CPM: variants seen among roughly 807,000 people sequenced by gnomAD.
The protein encoded by CPM is carboxypeptidase M.
CPM carries 35 observed loss-of-function variants against 46.4 expected under a neutral mutation model. The observed-to-expected ratio is 0.75, with a 90% CI of 0.58 to 1.00. The LOEUF (loss-of-function observed/expected upper bound fraction) is 1.00. Ranked by LOEUF, CPM falls within the 50% of genes least tolerant of loss-of-function variation. The pLI is 0.00. For missense variants in CPM, 422 were observed against 530.4 expected (o/e 0.80, Z 2.01); for synonymous variants, 195 against 195.3 (o/e 1.00, Z 0.01).
intron 1 of CPM, among the ~76,000 whole-genome samples, chr12:68,959,371 T>C (rs1889075402): frequency 6.6e-6 from 1 of 152,154 alleles, no homozygotes; most frequent in Non-Finnish European, 1.5e-5. Context: ...AACTTTTAGA[T>C]TAATTCCAGT....
chr12:68,873,685 A>G (rs1485721564), intron 3 of CPM, among the ~76,000 whole-genome samples: 9 of 149,016 alleles, frequency 6.0e-5, no homozygotes, highest in Admixed American at 2.0e-4. Context: ...AAAAAAAAAA[A>G]GAAAGAAAGA....
chr12:68,885,537 G>A (rs890522170), intron 3 of CPM, among the ~76,000 whole-genome samples: 11 of 152,128 alleles, frequency 7.2e-5, no homozygotes, highest in African/African-American at 2.2e-4. Flanking sequence ...TTGTTCTTCC[G>A]GCCCCAAACA....
chr12:68,898,270 C>T (rs752579895), intron 2 of CPM, among the ~76,000 whole-genome samples: 6 of 151,972 alleles, frequency 3.9e-5, no homozygotes, highest in Non-Finnish European at 4.4e-5. Flanking sequence ...TCTGCACAGC[C>T]CTATTGTCTA....
intron 2 of CPM, among the ~76,000 whole-genome samples, chr12:68,890,385 A>G (rs111598446): frequency 2.0e-5 from 3 of 152,078 alleles, no homozygotes; most frequent in Admixed American, 6.5e-5. Context: ...AAAAAAACCA[A>G]ACCCTATCAT....
intron 2 of CPM, among the ~76,000 whole-genome samples, chr12:68,905,098 G>A (rs1887284874): frequency 6.6e-6 from 1 of 151,846 alleles, no homozygotes; most frequent in South Asian, 2.1e-4. Context: ...TAGTAGAGAT[G>A]GGGGTTTCAC....
chr12:68,929,934 G>A (rs1277829649), intron 2 of CPM, among the ~76,000 whole-genome samples: 3 of 151,988 alleles, frequency 2.0e-5, no homozygotes, highest in African/African-American at 4.8e-5. Context: ...ATTTACATAG[G>A]CATAGCACAT....
At chr12:68,874,878 A>G (rs1167862765) in intron 3 of CPM, among the ~76,000 whole-genome samples, 2 of 152,170 alleles carry the variant, frequency 1.3e-5, no homozygotes, top group Non-Finnish European at 2.9e-5. Context: ...AGCTATCTGA[A>G]TCATACACTC....
chr12:68,950,712 C>T (rs150538220), intron 1 of CPM, among the ~76,000 whole-genome samples: 16 of 152,284 alleles, frequency 1.1e-4, no homozygotes, highest in African/African-American at 1.9e-4. Context: ...CTTCAGCTTC[C>T]GCGACCCCCA....
At chr12:68,883,881 G>A (rs994803051) in intron 3 of CPM, among the ~76,000 whole-genome samples, 3 of 151,008 alleles carry the variant, frequency 2.0e-5, no homozygotes, top group African/African-American at 7.3e-5. Context: ...GATCACCTGA[G>A]GTCAGGGGTT....
At chr12:68,903,066 T>C (rs1887179644) in intron 2 of CPM, among the ~76,000 whole-genome samples, 1 of 152,232 alleles carries the variant, frequency 6.6e-6, no homozygotes. Flanking sequence ...CTATAAGAGC[T>C]CTGAGACATT....
intron 2 of CPM, among the ~76,000 whole-genome samples, chr12:68,921,348 G>C (rs1337072987): frequency 2.0e-5 from 3 of 151,878 alleles, no homozygotes; most frequent in Admixed American, 1.3e-4. Context: ...CACCATGTTG[G>C]CCAGGCTGGT....
chr12:68,947,326 A>G (rs908012512), intron 1 of CPM, among the ~76,000 whole-genome samples: 1 of 152,170 alleles, frequency 6.6e-6, no homozygotes, highest in African/African-American at 2.4e-5. Flanking sequence ...GCCGGGTGCA[A>G]TGGCTCATGC....
At chr12:68,960,925 T>A (rs1188711574) in intron 1 of CPM, among the ~76,000 whole-genome samples, 1 of 152,206 alleles carries the variant, frequency 6.6e-6, no homozygotes, top group Non-Finnish European at 1.5e-5. Context: ...TGATTACCTA[T>A]AACAACTGAG....
At position 68,898,198 on chromosome 12, in the gene CPM, G is replaced by A. The variant is rs547331647; in HGVS notation, c.161-12309C>T. ...GAGTGCCTGCAGGTGTCACAGAGCT[G>A]TAATTTAAGAAGAGGTTAATTCAGA... On this transcript the variant is annotated intron_variant, in intron 2 of 8. Coordinates refer to ENST00000551568, the MANE Select transcript of CPM (RefSeq NM_198320.5). Among the ~76,000 whole-genome samples, 4 of 151,844 alleles carry A rather than the reference G, an allele frequency of 2.6e-5. No individual in the cohort carries two copies. In the South Asian group the frequency reaches 8.3e-4, roughly 32 times the overall value.
intron 1 of CPM, among the ~76,000 whole-genome samples, chr12:68,942,618 A>G (rs984491668): frequency 6.6e-6 from 1 of 152,226 alleles, no homozygotes; most frequent in African/African-American, 2.4e-5. Context: ...CCTAGGGAAT[A>G]CGACTGTAAA....
intron 1 of CPM, among the ~76,000 whole-genome samples, chr12:68,962,089 A>G (rs1324337594): frequency 6.6e-6 from 1 of 151,682 alleles, no homozygotes; most frequent in East Asian, 1.9e-4. Context: ...AGTCTCAGCT[A>G]CTCAGGAGGC....
intron 2 of CPM, among the ~76,000 whole-genome samples, chr12:68,900,328 CAAT>C (rs1352506522): frequency 3.9e-5 from 6 of 152,152 alleles, no homozygotes; most frequent in East Asian, 3.9e-4. Context: ...ATTAAAACAA[CAAT>C]GAGATATCAA....
chr12:68,912,089 C>A (rs900874126), intron 2 of CPM: 7 of 152,220 alleles, frequency 4.6e-5, no homozygotes, highest in African/African-American at 1.7e-4. Context: ...CTCACTGCAA[C>A]CTCTACCTCC....
downstream of CPM, chr12:68,849,165 C>T (rs183964898): frequency 3.7e-4 from 56 of 152,008 alleles, no homozygotes; most frequent in East Asian, 9.3e-3. Flanking sequence ...TCTCGGCTCA[C>T]TGCAACCTCT....
Sources: allele counts gnomAD v4.1 joint callset (sites outside exome capture counted in the v4.1 genomes callset), GRCh38; gene constraint gnomAD v4.1.1; transcripts MANE v1.5; gene names NCBI Gene and HGNC (gene_info 2026-07-23, HGNC 2026-07-21).